Variants in SZT2 observed in about 807,000 individuals in gnomAD.
SZT2 encodes KICSTOR complex protein SZT2.
In SZT2, 216 loss-of-function variants were observed where a neutral mutation model predicts 404.2. The observed-to-expected ratio is 0.53, with a 90% confidence interval of 0.48 to 0.60. SZT2 has a LOEUF of 0.60. Ranked by LOEUF, SZT2 falls within the 20% of genes least tolerant of loss-of-function variation. The pLI, the probability that SZT2 is intolerant of heterozygous loss-of-function variation, is 0.00. For synonymous variants in SZT2, 1,693 were observed against 1,749.9 expected (o/e 0.97, Z 0.81); for missense variants, 3,857 against 4,459.2 (o/e 0.86, Z 3.85).
chr1:43,446,153 C>A lies in SZT2; in HGVS notation c.8917-26C>A, dbSNP rs1419837721. On this transcript the variant is annotated intron_variant, in intron 63 of 71. Transcript: ENST00000634258. ...GATTCGAGGCTGGTGAGCCCCCAAA[C>A]CTTGCCCCCTTTTTTGTTTCTTCAG... is the stretch of plus-strand genomic sequence containing the variant. The A allele has an allele frequency of 1.9e-6, 3 of 1,613,892 alleles. No homozygotes were observed. In the East Asian group the frequency reaches 6.7e-5, roughly 36 times the overall value.
chr1:43,442,714 G>A lies in SZT2; in HGVS notation c.8151+96G>A. 6.5e-7 allele frequency: 1 copy of A among 1,534,892 alleles called. No individual in the cohort carries two copies. Among genetic ancestry groups the A allele is most frequent in the Non-Finnish European group, 8.7e-7 (1 of 1,143,570 alleles). On this transcript the variant is annotated intron_variant, in intron 58 of 71. Transcript: ENST00000634258. This position sits in a 1 kb window ranked among gnomAD's most constrained non-coding sequence, Gnocchi z 4.5. ...AAGCCAGAAAGATGGGACAGACTGA[G>A]GGCAGAGGTAGTGGGGAGGGAGAGT...
intron 4 of SZT2, chr1:43,406,640 G>A (rs1336214987): frequency 6.6e-6 from 1 of 152,322 alleles, no homozygotes; most frequent in African/African-American, 2.4e-5. Context: ...GTTATGAAAG[G>A]CCATGAATGT....
chr1:43,403,664 C>T lies in SZT2; in HGVS notation c.217C>T (p.Pro73Ser), dbSNP rs771590699. ...VLPPGWQPDE[P>S]VVPRPFLLVP... Reference sequence around the variant, plus strand: ...GCCCCCTGGGTGGCAGCCAGATGAACCAGTGGTCCCAAGGCCATTCCTCCT... The same window carrying T: ...GCCCCCTGGGTGGCAGCCAGATGAATCAGTGGTCCCAAGGCCATTCCTCCT... The change falls in exon 3 of 72, where the codon CCA (proline) becomes TCA (serine). Residue 73 changes from proline to serine, a missense_variant. Coordinates refer to ENST00000634258, the MANE Select transcript of SZT2 (RefSeq NM_001365999.1). The T allele has an allele frequency of 1.2e-6, 2 of 1,614,168 alleles. No individual in the cohort carries two copies. The highest frequency in any genetic ancestry group is 2.2e-5 in the South Asian group (2 of 91,078).
chr1:43,392,009 G>A (rs1312601407), intron 1 of SZT2, among the ~76,000 whole-genome samples: 1 of 37,042 alleles, frequency 2.7e-5, no homozygotes, highest in South Asian at 5.7e-4. Context: ...GCGTGAACCC[G>A]GGAGGCGGAG....
Position 43,425,682 on chromosome 1 carries a change from G to A in SZT2, c.2814+40G>A. 3 of 1,608,682 alleles carry A rather than the reference G, an allele frequency of 1.9e-6. No homozygotes were observed. Among genetic ancestry groups the A allele is most frequent in the Non-Finnish European group, 2.5e-6 (3 of 1,176,784 alleles). Reference sequence around the variant, plus strand: ...AACAGTACCCGCACCTCTCTCACTGGATTGGGGTGCCATCTCTTTTGGAGT... The same window carrying A: ...AACAGTACCCGCACCTCTCTCACTGAATTGGGGTGCCATCTCTTTTGGAGT... On this transcript the variant is annotated intron_variant, in intron 19 of 71. Coordinates refer to ENST00000634258, the MANE Select transcript of SZT2 (RefSeq NM_001365999.1). This position sits in a 1 kb window ranked among gnomAD's most constrained non-coding sequence, Gnocchi z 4.3.
chr1:43,409,387 G>C (rs1650730974), intron 4 of SZT2: 1 of 279,940 alleles, frequency 3.6e-6, no homozygotes, highest in Non-Finnish European at 7.2e-6. Context: ...AGAGGATTTT[G>C]AGCGTAAAAG....
Position 43,416,619 on chromosome 1 carries a change from C to A in SZT2, c.857C>A (p.Thr286Asn). The A allele has an allele frequency of 6.3e-7, 1 of 1,597,990 alleles. No homozygotes were observed. Among genetic ancestry groups the A allele is most frequent in the Non-Finnish European group, 8.5e-7 (1 of 1,179,672 alleles). The change falls in exon 7 of 72, where the codon ACT (threonine) becomes AAT (asparagine). Residue 286 changes from threonine (T) to asparagine (N), a missense_variant. This residue lies in a region of SZT2 where 536 missense variants were observed against 637.4 expected (regional missense o/e 0.84). Coordinates refer to ENST00000634258, the MANE Select transcript of SZT2 (RefSeq NM_001365999.1). ...ETLLNQLRSGTVACSFVQVGG... is the reference protein window; with the variant it reads ...ETLLNQLRSGNVACSFVQVGG... ...CTGCTGAACCAGCTTCGCAGTGGCA[C>A]TGTGGCTTGTTCCTTTGTCCAGGTG...
At chr1:43,446,646 C>T in intron 65 of SZT2, 1 of 635,038 alleles carries the variant, frequency 1.6e-6, no homozygotes, top group Non-Finnish European at 2.7e-6. Context: ...AGCCCTGAGG[C>T]AGCACAGTGC....
In SZT2 at chr1:43,452,193, C is replaced by T. The variant is rs761829862; in HGVS notation, c.*1713C>T. The T allele has an allele frequency of 1.2e-6, 2 of 1,603,856 alleles. No homozygotes were observed. Among genetic ancestry groups the T allele is most frequent in the Non-Finnish European group, 1.7e-6 (2 of 1,172,918 alleles). On this transcript the variant is annotated 3_prime_UTR_variant, in exon 72 of 72. Coordinates refer to ENST00000634258, the MANE Select transcript of SZT2 (RefSeq NM_001365999.1). ...AGACATGTAAGTACGTGTGTGTTTC[C>T]ACCTTTCTCACCTGAGCCAAAACCC...
intron 4 of SZT2, among the ~76,000 whole-genome samples, chr1:43,407,786 A>G (rs904828279): frequency 6.6e-6 from 1 of 151,970 alleles, no homozygotes; most frequent in African/African-American, 2.4e-5. Context: ...GAGTTGTGCA[A>G]ACAACAGTAG....
chr1:43,436,212 A>AT (rs1654442860), intron 42 of SZT2: 1 of 152,130 alleles, frequency 6.6e-6, no homozygotes, highest in Non-Finnish European at 1.5e-5. Context: ...ACCACTCCTT[A>AT]TTTTTAACAT....
chr1:43,452,986 C>A lies in SZT2; in HGVS notation c.*2506C>A. Reference sequence around the variant, plus strand: ...TGCAAGGAACACTCAACTTCCTGCCCATCAAGCAATGCCCACTCCTTGAAG... The same window carrying A: ...TGCAAGGAACACTCAACTTCCTGCCAATCAAGCAATGCCCACTCCTTGAAG... On this transcript the variant is annotated 3_prime_UTR_variant, in exon 72 of 72. Transcript: ENST00000634258. 1 of 1,598,182 alleles carries A rather than the reference C, an allele frequency of 6.3e-7. No homozygotes were observed. Among genetic ancestry groups the A allele is most frequent in the East Asian group, 2.2e-5 (1 of 44,692 alleles).
At chr1:43,409,034 A>T (rs1182614925) in intron 4 of SZT2, among the ~76,000 whole-genome samples, 1 of 152,200 alleles carries the variant, frequency 6.6e-6, no homozygotes, top group East Asian at 1.9e-4. Flanking sequence ...GGATGGGGAT[A>T]CTTATTTATG....
chr1:43,403,527 A>G, intron 2 of SZT2, 74 bp from the exon 3 acceptor site: 1 of 1,530,092 alleles, frequency 6.5e-7, no homozygotes, highest in Non-Finnish European at 8.9e-7. Context: ...GTCATTTGGG[A>G]TATAGAAGGC....
chr1:43,399,056 G>C (rs936087863), intron 1 of SZT2, among the ~76,000 whole-genome samples: 1 of 151,998 alleles, frequency 6.6e-6, no homozygotes. Flanking sequence ...CTCCAGCCTA[G>C]GCGACAGAGC....
In SZT2 at chr1:43,450,576, C is replaced by G; in HGVS notation, c.*96C>G. On this transcript the variant is annotated 3_prime_UTR_variant, in exon 72 of 72. Coordinates refer to ENST00000634258, the MANE Select transcript of SZT2 (RefSeq NM_001365999.1). The surrounding 1 kb of genome is among the most constrained non-coding windows in gnomAD (Gnocchi z 4.3). ...AGGACTGACCAGCCCTTCTGGGCCCCAGGGCAAGCCAGACACTGAGTGACA... is the reference window on the plus strand; with the variant it reads ...AGGACTGACCAGCCCTTCTGGGCCCGAGGGCAAGCCAGACACTGAGTGACA... 6.5e-7 allele frequency: 1 copy of G among 1,529,268 alleles called. No homozygotes were observed. The highest frequency in any genetic ancestry group is 8.9e-7 in the Non-Finnish European group (1 of 1,122,802). 94.7% of individuals were successfully genotyped at this position (1,529,268 alleles called of 1,614,324 possible).
At chr1:43,418,420 G>A (rs140915903) in intron 7 of SZT2, among the ~76,000 whole-genome samples, 1 of 152,284 alleles carries the variant, frequency 6.6e-6, no homozygotes, top group African/African-American at 2.4e-5. Context: ...GGGAAGTGTC[G>A]TTTCTTTCTT....
rs1428579801 is a variant in SZT2 at position 43,441,646 on chromosome 1, C to G, written c.7610-40C>G. On this transcript the variant is annotated intron_variant, in intron 54 of 71. Coordinates refer to ENST00000634258, the MANE Select transcript of SZT2 (RefSeq NM_001365999.1). The surrounding 1 kb of genome is among the most constrained non-coding windows in gnomAD (Gnocchi z 4.8). ...TCCCATCCCTCAACCCCAGCCTGGT[C>G]TCCATCCTGCAGCTCCACAGTGACT... is the stretch of plus-strand genomic sequence containing the variant. 1.2e-6 allele frequency: 2 copies of G among 1,614,010 alleles called. No homozygotes were observed. Among genetic ancestry groups the G allele is most frequent in the Non-Finnish European group, 1.7e-6 (2 of 1,179,922 alleles).
intron 15 of SZT2, among the ~76,000 whole-genome samples, chr1:43,423,861 T>A (rs1196116329): frequency 7.1e-6 from 1 of 140,604 alleles, no homozygotes; most frequent in Non-Finnish European, 1.5e-5. Context: ...AGGTCAGAGG[T>A]GTGGAAGGGT....
Sources: gnomAD v4.1 joint callset for allele counts (sites outside exome capture counted in the v4.1 genomes callset) on GRCh38, gnomAD v4.1.1 for gene constraint, gnomAD v4.1.1 regional missense constraint, Gnocchi (gnomAD v3.1) non-coding constraint, MANE v1.5 for transcripts, NCBI Gene and HGNC (gene_info 2026-07-23, HGNC 2026-07-21) for gene names.